FKBP5: variants seen among roughly 807,000 people sequenced by gnomAD.
FKBP5 encodes peptidyl-prolyl cis-trans isomerase FKBP5.
In FKBP5, 23 loss-of-function variants were observed where a neutral mutation model predicts 50.5. The ratio of observed to expected loss-of-function variants is 0.46; its 90% confidence interval spans 0.33 to 0.65. FKBP5 has a LOEUF of 0.65. Among genes scored for constraint, FKBP5 ranks in the 30% least tolerant of loss-of-function variants. FKBP5 has a pLI of 0.02. For missense variants in FKBP5, 411 were observed against 553.1 expected (o/e 0.74, Z 2.58); for synonymous variants, 176 against 190.6 (o/e 0.92, Z 0.63).
At chr6:35,612,621 A>G (rs1195193972) in intron 5 of FKBP5, among the ~76,000 whole-genome samples, 1 of 152,264 alleles carries the variant, frequency 6.6e-6, no homozygotes, top group Non-Finnish European at 1.5e-5. Flanking sequence ...ACAGTTTCAC[A>G]TGGCTGGGGA....
chr6:35,656,903 AAAAAAAG>A (rs1422771744), intron 1 of FKBP5, among the ~76,000 whole-genome samples: 8 of 149,284 alleles, frequency 5.4e-5, no homozygotes, highest in South Asian at 2.1e-4. Context: ...CTCAAAAAAA[AAAAAAAG>A]AAAAAAGAAA....
chr6:35,674,590 C>T (rs1470570492), intron 1 of FKBP5, among the ~76,000 whole-genome samples: 3 of 152,234 alleles, frequency 2.0e-5, no homozygotes, highest in East Asian at 1.9e-4. Flanking sequence ...TCTCCCTTCT[C>T]TCAACTTATT....
rs1272707060 is a variant in FKBP5 at position 35,574,716 on chromosome 6, T to A, written c.*1119A>T. The A allele has an allele frequency of 6.6e-6, 1 of 152,608 alleles. No individual in the cohort carries two copies. The highest frequency in any genetic ancestry group is 2.1e-4 in the South Asian group (1 of 4,828). 9.5% of individuals were successfully genotyped at this position (152,608 alleles called of 1,614,324 possible). On this transcript the variant is annotated 3_prime_UTR_variant, in exon 11 of 11. Coordinates refer to ENST00000357266, the MANE Select transcript of FKBP5 (RefSeq NM_004117.4). ...TTGTCAACCCTACAGATTTTGTTTT[T>A]AAAAATTAAGCTTAGTACTAAAAAG...
intron 1 of FKBP5, among the ~76,000 whole-genome samples, chr6:35,659,503 T>A (rs1765039731): frequency 1.2e-5 from 1 of 84,740 alleles, no homozygotes; most frequent in Non-Finnish European, 2.7e-5. Context: ...TACCTCAGCC[T>A]CCCAAAGTGC....
At chr6:35,638,949 CAG>C (rs1764401438) in intron 2 of FKBP5, among the ~76,000 whole-genome samples, 1 of 152,020 alleles carries the variant, frequency 6.6e-6, no homozygotes, top group Non-Finnish European at 1.5e-5. Flanking sequence ...GAATGGCTAC[CAG>C]AGAGTCAGAG....
In FKBP5 at chr6:35,591,081, G is replaced by C. The variant is rs556315565; in HGVS notation, c.756+49C>G. ...ATAAGATACTGATTTATAGGAAGTG[G>C]ATGGAGAAGAAACCTACCATAATTT... is the stretch of plus-strand genomic sequence containing the variant. On this transcript the variant is annotated intron_variant, in intron 7 of 10. Coordinates refer to ENST00000357266, the MANE Select transcript of FKBP5 (RefSeq NM_004117.4). 2.5e-6 allele frequency: 3 copies of C among 1,205,248 alleles called. No individual in the cohort carries two copies. In the South Asian group the frequency reaches 3.8e-5, roughly 15 times the overall value. The allele number at this position is 1,205,248 out of a possible 1,614,324, so 74.7% of individuals were successfully genotyped here.
chr6:35,585,505 C>T, intron 8 of FKBP5: 1 of 985,202 alleles, frequency 1.0e-6, no homozygotes, highest in Non-Finnish European at 1.2e-6. Context: ...AAAATATAAC[C>T]TCTTTGGACC....
At chr6:35,713,332 A>C (rs1766449064) in intron 2 of FKBP5, among the ~76,000 whole-genome samples, 1 of 151,988 alleles carries the variant, frequency 6.6e-6, no homozygotes, top group Non-Finnish European at 1.5e-5. Context: ...AGCCCAATGG[A>C]ATTTTGCCTC....
chr6:35,666,609 G>T (rs980997660), intron 1 of FKBP5, among the ~76,000 whole-genome samples: 2 of 152,028 alleles, frequency 1.3e-5, no homozygotes, highest in Non-Finnish European at 2.9e-5. Flanking sequence ...TGTATATGAA[G>T]GCTGGGCACG....
At chr6:35,627,928 A>T (rs1581831524) in intron 3 of FKBP5, among the ~76,000 whole-genome samples, 3 of 108,474 alleles carry the variant, frequency 2.8e-5, no homozygotes, top group South Asian at 3.1e-4. Flanking sequence ...TGCCCAGCTA[A>T]TTTTTTTTTT....
chr6:35,618,595 CG>C (rs1454877738), intron 5 of FKBP5, among the ~76,000 whole-genome samples: 3 of 152,114 alleles, frequency 2.0e-5, no homozygotes, highest in Admixed American at 2.0e-4. Context: ...TGGCTGGTCT[CG>C]AATTCCTAAG....
At chr6:35,656,109 T>C (rs760198238) in intron 1 of FKBP5, among the ~76,000 whole-genome samples, 30 of 152,366 alleles carry the variant, frequency 2.0e-4, no homozygotes, top group Middle Eastern at 3.4e-3. Context: ...ATTAAAACAC[T>C]ATTACATAAA....
At chr6:35,712,684 G>A (rs1009172342) in intron 2 of FKBP5, among the ~76,000 whole-genome samples, 6 of 152,068 alleles carry the variant, frequency 3.9e-5, no homozygotes, top group Middle Eastern at 3.2e-3. Flanking sequence ...CATGCAAACC[G>A]CCAACAGGTA....
At chr6:35,634,900 G>A (rs1764263596) in intron 3 of FKBP5, among the ~76,000 whole-genome samples, 1 of 152,066 alleles carries the variant, frequency 6.6e-6, no homozygotes, top group Non-Finnish European at 1.5e-5. Context: ...ACATTTAACA[G>A]CATTTGAGGC....
intron 1 of FKBP5, among the ~76,000 whole-genome samples, chr6:35,727,651 C>T (rs1167673205): frequency 6.6e-6 from 1 of 152,216 alleles, no homozygotes; most frequent in South Asian, 2.1e-4. Context: ...GAATTGGCCC[C>T]CTCAACACGG....
At position 35,573,663 on chromosome 6, in the gene FKBP5, A is replaced by G. The variant is rs1322018762; in HGVS notation, c.*2172T>C. On this transcript the variant is annotated 3_prime_UTR_variant, in exon 11 of 11. Transcript: ENST00000357266. ...AAATGATTTTTTTTTTTTAAAAACAATGTCTTTAATTCCTCATATGCTGAC... is the reference window on the plus strand; with the variant it reads ...AAATGATTTTTTTTTTTTAAAAACAGTGTCTTTAATTCCTCATATGCTGAC... The G allele has an allele frequency of 6.6e-6, 1 of 152,100 alleles. No individual in the cohort carries two copies. Among genetic ancestry groups the G allele is most frequent in the African/African-American group, 2.4e-5 (1 of 41,410 alleles). 9.4% of individuals were successfully genotyped at this position (152,100 alleles called of 1,614,324 possible).
chr6:35,643,400 T>C (rs1764548157), intron 1 of FKBP5, among the ~76,000 whole-genome samples: 1 of 152,218 alleles, frequency 6.6e-6, no homozygotes. Flanking sequence ...ATAACATTTC[T>C]TAAAAGATTA....
chr6:35,627,064 C>T (rs76212347), intron 3 of FKBP5, among the ~76,000 whole-genome samples: 2,913 of 152,240 alleles, frequency 0.019, 59 homozygotes, highest in Non-Finnish European at 0.028. Context: ...TACCGTTTTC[C>T]ACAGCAGCTG....
chr6:35,662,539 C>T (rs1765101241), intron 1 of FKBP5, among the ~76,000 whole-genome samples: 1 of 152,002 alleles, frequency 6.6e-6, no homozygotes, highest in Non-Finnish European at 1.5e-5. Flanking sequence ...CCACCTCAGC[C>T]TCCCAAAGTG....
Sources: gnomAD v4.1 joint callset for allele counts (sites outside exome capture counted in the v4.1 genomes callset) on GRCh38, gnomAD v4.1.1 for gene constraint, MANE v1.5 for transcripts, NCBI Gene and HGNC (gene_info 2026-07-23, HGNC 2026-07-21) for gene names.